The following SMURF2 variants were observed in gnomAD, a reference collection of about 807,000 sequenced individuals.
SMURF2 encodes the protein SMAD specific E3 ubiquitin protein ligase 2.
SMURF2 carries 48 observed loss-of-function variants against 109.6 expected under a neutral mutation model. The observed-to-expected ratio is 0.44, with a 90% CI of 0.35 to 0.56. The LOEUF (loss-of-function observed/expected upper bound fraction) is 0.56, where lower values mean the gene tolerates loss of function less well. SMURF2 is among the 20% of genes least tolerant of loss of function. The probability of loss-of-function intolerance (pLI) is 0.01; values close to 1 mark genes in which losing one functional copy is unlikely to be tolerated. For synonymous variants in SMURF2, 288 were observed against 317.1 expected (o/e 0.91, Z 0.97); for missense variants, 575 against 909.0 (o/e 0.63, Z 4.72).
chr17:64,637,917 C>A (rs1970439035), intron 1 of SMURF2, among the ~76,000 whole-genome samples: 1 of 118,264 alleles, frequency 8.5e-6, no homozygotes, highest in Non-Finnish European at 1.6e-5. Flanking sequence ...GTTTTGGCGC[C>A]CTAGTCAAAA....
intron 1 of SMURF2, among the ~76,000 whole-genome samples, chr17:64,649,947 T>C (rs1364019086): frequency 2.0e-5 from 3 of 151,428 alleles, no homozygotes; most frequent in African/African-American, 7.4e-5. Flanking sequence ...AAGACATTTA[T>C]GCCTTTTTTT....
intron 9 of SMURF2, among the ~76,000 whole-genome samples, chr17:64,577,806 C>G (rs1555686198): frequency 6.6e-6 from 1 of 151,906 alleles, no homozygotes; most frequent in Non-Finnish European, 1.5e-5. Flanking sequence ...GTGGCTCAGA[C>G]TGGTTTCAAA....
At chr17:64,641,453 G>A (rs1181230171) in intron 1 of SMURF2, among the ~76,000 whole-genome samples, 4 of 152,112 alleles carry the variant, frequency 2.6e-5, no homozygotes, top group African/African-American at 9.7e-5. Flanking sequence ...ATCAAGATAT[G>A]GGAGTTCATG....
intron 1 of SMURF2, among the ~76,000 whole-genome samples, chr17:64,651,738 C>T (rs1970643154): frequency 6.6e-6 from 1 of 151,984 alleles, no homozygotes; most frequent in Admixed American, 6.6e-5. Flanking sequence ...GCCTGGGTAA[C>T]ACAGTGAGGC....
Position 64,543,935 on chromosome 17 carries a change from ATTGT to A in SMURF2, c.*1909_*1912del, listed in dbSNP as rs1217249251. 5 of 152,220 alleles carry A rather than the reference ATTGT, an allele frequency of 3.3e-5. No homozygotes were observed. Among genetic ancestry groups the A allele is most frequent in the Non-Finnish European group, 7.3e-5 (5 of 68,048 alleles). The allele number at this position is 152,220 out of a possible 1,614,324, so 9.4% of individuals were successfully genotyped here. A position where few individuals can be genotyped will look rare whatever the true frequency, so the allele number is the denominator to read the frequency against. On this transcript the variant is annotated 3_prime_UTR_variant, in exon 19 of 19. Transcript: ENST00000262435. Reference sequence around the variant, plus strand: ...TCAGAATGCAATGTAAAAAAAACAAATTGTTTGAGAGGAAAAAGGTAGGCATAAG... The same window carrying A: ...TCAGAATGCAATGTAAAAAAAACAAATTGAGAGGAAAAAGGTAGGCATAAG...
chr17:64,623,752 C>G (rs1487554389), intron 1 of SMURF2, among the ~76,000 whole-genome samples: 2 of 152,180 alleles, frequency 1.3e-5, no homozygotes, highest in Non-Finnish European at 2.9e-5. Context: ...AAATCCTTAT[C>G]AACATTAGCA....
intron 12 of SMURF2, among the ~76,000 whole-genome samples, chr17:64,560,463 G>T (rs1379812340): frequency 6.6e-6 from 1 of 152,082 alleles, no homozygotes; most frequent in Non-Finnish European, 1.5e-5. Flanking sequence ...ATGAAAATAA[G>T]GCTACAAATA....
chr17:64,632,660 G>A (rs1164055256), intron 1 of SMURF2, among the ~76,000 whole-genome samples: 1 of 152,026 alleles, frequency 6.6e-6, no homozygotes, highest in African/African-American at 2.4e-5. Flanking sequence ...GACAAGTCTT[G>A]GGGAAAAAAA....
intron 1 of SMURF2, among the ~76,000 whole-genome samples, chr17:64,648,879 GT>G (rs1166354070): frequency 4.6e-5 from 7 of 151,896 alleles, no homozygotes; most frequent in African/African-American, 1.5e-4. Flanking sequence ...TTTCCTTATA[GT>G]TTTTTTTCCA....
At chr17:64,607,493 G>T (rs1043869291) in intron 1 of SMURF2, among the ~76,000 whole-genome samples, 1 of 152,054 alleles carries the variant, frequency 6.6e-6, no homozygotes, top group Admixed American at 6.6e-5. Flanking sequence ...GGGCGTGGTG[G>T]CGTGCGCCTG....
Position 64,554,937 on chromosome 17 carries a change from T to C in SMURF2, c.1667A>G (p.Tyr556Cys). 6.2e-7 allele frequency: 1 copy of C among 1,613,120 alleles called. No individual in the cohort carries two copies. Among genetic ancestry groups the C allele is most frequent in the Non-Finnish European group, 8.5e-7 (1 of 1,179,182 alleles). Reference protein sequence around the residue: ...DHTFCVEHNAYGEIIQHELKP... With the variant: ...DHTFCVEHNACGEIIQHELKP... ...AAGTTCATGCTGAATAATTTCACCA[T>C]ATGCATTATGTTCAACACAGAAGGT... Residue 556 changes from tyrosine (Y) to cysteine (C), a missense_variant, in exon 15 of 19, where the codon TAT (tyrosine) becomes TGT (cysteine). Tyr to Cys is a radical substitution (Grantham distance 194, BLOSUM62 -2). Coordinates refer to ENST00000262435, the MANE Select transcript of SMURF2 (RefSeq NM_022739.4).
At chr17:64,658,180 C>T (rs1167365550) in intron 1 of SMURF2, among the ~76,000 whole-genome samples, 1 of 152,038 alleles carries the variant, frequency 6.6e-6, no homozygotes, top group East Asian at 1.9e-4. Flanking sequence ...CGTGGCAAAA[C>T]CCGTCTCTAC....
chr17:64,636,786 GAA>G (rs375959882), intron 1 of SMURF2, among the ~76,000 whole-genome samples: 37 of 118,640 alleles, frequency 3.1e-4, no homozygotes, highest in African/African-American at 1.0e-3. Context: ...CTCAAAAAAA[GAA>G]AAAAAAAAAA....
chr17:64,660,953 G>T (rs1242067874), intron 1 of SMURF2: 1 of 152,112 alleles, frequency 6.6e-6, no homozygotes. Flanking sequence ...CTTTGTAAGT[G>T]TAGTCTTCTA....
chr17:64,573,670 G>A (rs1969447861), intron 9 of SMURF2, among the ~76,000 whole-genome samples: 1 of 152,144 alleles, frequency 6.6e-6, no homozygotes, highest in Non-Finnish European at 1.5e-5. Flanking sequence ...GTAGGCAGAA[G>A]GGCAGGCCAG....
At chr17:64,565,214 G>A (rs1969282734) in intron 10 of SMURF2, among the ~76,000 whole-genome samples, 1 of 152,110 alleles carries the variant, frequency 6.6e-6, no homozygotes, top group Non-Finnish European at 1.5e-5. Context: ...GATGTGGGCA[G>A]CTAGCCTGGA....
chr17:64,601,881 TTATA>T (rs2144668149), intron 2 of SMURF2, among the ~76,000 whole-genome samples: 1 of 148,060 alleles, frequency 6.8e-6, no homozygotes, highest in Non-Finnish European at 1.5e-5. Flanking sequence ...TATGTTTATA[TTATA>T]TAATTATATA....
rs78811327 is a variant in SMURF2, at chr17:64,617,865, T to G, written c.53-11225A>C. On this transcript the variant is annotated intron_variant, in intron 1 of 18. Coordinates refer to ENST00000262435, the MANE Select transcript of SMURF2 (RefSeq NM_022739.4). Reference sequence around the variant, plus strand: ...TTTTTTTTCAACAAAGATGAAGATTTTGGTAAAGTTCTCACAAACATGCGT... The same window carrying G: ...TTTTTTTTCAACAAAGATGAAGATTGTGGTAAAGTTCTCACAAACATGCGT... Among the ~76,000 whole-genome samples the G allele has an allele frequency of 7.8e-4, 119 of 152,248 alleles. No individual in the cohort carries two copies. The East Asian group carries it at 0.021, about 27-fold the overall frequency.
intron 10 of SMURF2, among the ~76,000 whole-genome samples, chr17:64,566,319 C>T (rs1297936295): frequency 6.6e-6 from 1 of 151,706 alleles, no homozygotes; most frequent in Non-Finnish European, 1.5e-5. Context: ...TTATATACTA[C>T]ATTACATAGC....
Sources: allele counts gnomAD v4.1 joint callset (sites outside exome capture counted in the v4.1 genomes callset), GRCh38; gene constraint gnomAD v4.1.1; transcripts MANE v1.5; gene names NCBI Gene and HGNC (gene_info 2026-07-23, HGNC 2026-07-21).